Variants in RPAP2 observed in about 807,000 individuals in gnomAD.
RPAP2 encodes the protein putative RNA polymerase II subunit B1 CTD phosphatase RPAP2.
A neutral mutation model predicts 73.1 loss-of-function variants in RPAP2; 52 were observed. That is an observed-to-expected ratio of 0.71 (90% CI 0.57 to 0.90). The LOEUF is 0.90. Ranked by LOEUF, RPAP2 falls within the 40% of genes least tolerant of loss-of-function variation. The probability of loss-of-function intolerance (pLI) is 0.00; values close to 1 mark genes in which losing one functional copy is unlikely to be tolerated. For synonymous variants in RPAP2, 225 were observed against 242.1 expected (o/e 0.93, Z 0.65); for missense variants, 598 against 701.8 (o/e 0.85, Z 1.67).
intron 11 of RPAP2, among the ~76,000 whole-genome samples, chr1:92,361,092 A>AAT (rs1285286459): frequency 8.3e-6 from 1 of 120,088 alleles, no homozygotes; most frequent in Non-Finnish European, 1.7e-5. Flanking sequence ...ATATATATAT[A>AAT]ATATATATAT....
chr1:92,306,654 G>T (rs999557566), intron 5 of RPAP2, among the ~76,000 whole-genome samples: 9 of 152,044 alleles, frequency 5.9e-5, no homozygotes, highest in Admixed American at 4.6e-4. Context: ...GACCAGCCTG[G>T]GCAACAAATA....
chr1:92,331,111 A>G (rs1652936792), intron 8 of RPAP2, among the ~76,000 whole-genome samples: 1 of 152,174 alleles, frequency 6.6e-6, no homozygotes, highest in Admixed American at 6.5e-5. Context: ...ATTTCTGCAA[A>G]TTTTACTTTT....
At position 92,351,725 on chromosome 1, in the gene RPAP2, T is replaced by C. The variant is rs140830363; in HGVS notation, c.1688+5811T>C. On this transcript the variant is annotated intron_variant, in intron 11 of 12. Coordinates refer to ENST00000610020, the MANE Select transcript of RPAP2 (RefSeq NM_024813.3). Reference sequence around the variant, plus strand: ...AAAACTGGCAGCCAAAGAGAAGACATATAGAAGGCTATCGAGAAGCAGCTT... The same window carrying C: ...AAAACTGGCAGCCAAAGAGAAGACACATAGAAGGCTATCGAGAAGCAGCTT... Among the ~76,000 whole-genome samples, 70 of 152,262 alleles carry C rather than the reference T, an allele frequency of 4.6e-4. 1 individual carries two copies. The East Asian group carries it at 9.3e-3, about 20-fold the overall frequency.
intron 11 of RPAP2, among the ~76,000 whole-genome samples, chr1:92,373,736 AAAT>A (rs1359232984): frequency 0.01 from 1,162 of 112,558 alleles, 221 homozygotes; most frequent in African/African-American, 0.053. Flanking sequence ...TCTCTACTAA[AAAT>A]AAAAAAAAAA....
At chr1:92,377,505 A>T (rs1156804232) in intron 11 of RPAP2, among the ~76,000 whole-genome samples, 1 of 127,382 alleles carries the variant, frequency 7.9e-6, no homozygotes, top group Non-Finnish European at 1.6e-5. Flanking sequence ...TGACAGAGCG[A>T]AACTTTGTCT....
At chr1:92,304,601 T>C (rs144117501) in intron 5 of RPAP2, among the ~76,000 whole-genome samples, 160 of 152,322 alleles carry the variant, frequency 1.1e-3, no homozygotes, top group Middle Eastern at 0.01. Context: ...TTGGCACAAA[T>C]CTGGGCAAAT....
intron 6 of RPAP2, among the ~76,000 whole-genome samples, chr1:92,317,423 G>A (rs1043901174): frequency 3.9e-5 from 6 of 151,940 alleles, no homozygotes; most frequent in Non-Finnish European, 7.4e-5. Flanking sequence ...CAGGACAATC[G>A]CTTCAACCTG....
chr1:92,323,620 A>G lies in RPAP2; in HGVS notation c.700A>G (p.Asn234Asp), dbSNP rs781474137. The change falls in exon 8 of 13, where the codon AAT (asparagine) becomes GAT (aspartate). Residue 234 changes from asparagine to aspartate, a missense_variant. By Grantham distance (23) the Asn-to-Asp change is conservative. Coordinates refer to ENST00000610020, the MANE Select transcript of RPAP2 (RefSeq NM_024813.3). ...CTCCATTCTACCAGGAAACAGACCAAATTCAACAAATATTAGACCACAGCT... is the reference window on the plus strand; with the variant it reads ...CTCCATTCTACCAGGAAACAGACCAGATTCAACAAATATTAGACCACAGCT... The part of the protein sequence containing the change: ...VSSILPGNRP[N>D]STNIRPQLHQ... 1.9e-6 allele frequency: 3 copies of G among 1,614,102 alleles called. No individual in the cohort carries two copies. In the Admixed American group the frequency reaches 5.0e-5, roughly 27 times the overall value.
At chr1:92,372,763 G>A (rs1655206097) in intron 11 of RPAP2, among the ~76,000 whole-genome samples, 2 of 152,022 alleles carry the variant, frequency 1.3e-5, no homozygotes, top group Non-Finnish European at 2.9e-5. Flanking sequence ...TTTTAAAGTA[G>A]CCGGGTATGG....
chr1:92,365,390 G>GT (rs200073854), intron 11 of RPAP2, among the ~76,000 whole-genome samples: 2 of 114,194 alleles, frequency 1.8e-5, no homozygotes, highest in South Asian at 4.4e-4. Context: ...ACATGGGGAG[G>GT]TTTTAAAAAA....
At chr1:92,334,980 T>TC (rs1483603827) in intron 9 of RPAP2, among the ~76,000 whole-genome samples, 3 of 151,218 alleles carry the variant, frequency 2.0e-5, no homozygotes, top group Admixed American at 2.0e-4. Flanking sequence ...AGAGTGAGAC[T>TC]CCATCTCAAA....
At position 92,398,313 on chromosome 1, in the gene RPAP2, T is replaced by C. The variant is rs1656235407; in HGVS notation, c.*11302T>C. The C allele has an allele frequency of 1.3e-5, 2 of 152,202 alleles. No homozygotes were observed. The highest frequency in any genetic ancestry group is 2.9e-5 in the Non-Finnish European group (2 of 68,046). 9.4% of individuals were successfully genotyped at this position (152,202 alleles called of 1,614,324 possible). On this transcript the variant is annotated 3_prime_UTR_variant, in exon 13 of 13. Coordinates refer to ENST00000610020, the MANE Select transcript of RPAP2 (RefSeq NM_024813.3). ...AACCCATAAATATATACATCTACTATGTACCCACAAAAATTAAAAAATGTT... is the reference window on the plus strand; with the variant it reads ...AACCCATAAATATATACATCTACTACGTACCCACAAAAATTAAAAAATGTT...
At chr1:92,347,701 T>C (rs759337960) in intron 11 of RPAP2, among the ~76,000 whole-genome samples, 4 of 152,226 alleles carry the variant, frequency 2.6e-5, no homozygotes, top group African/African-American at 4.8e-5. Flanking sequence ...TAGTGTTTGA[T>C]TTTAATAGAG....
intron 6 of RPAP2, among the ~76,000 whole-genome samples, chr1:92,311,848 T>C (rs1021821595): frequency 2.0e-5 from 3 of 152,212 alleles, no homozygotes; most frequent in East Asian, 1.9e-4. Context: ...CATACCTTAA[T>C]TTTAAAATAT....
chr1:92,375,712 T>C (rs926793788), intron 11 of RPAP2, among the ~76,000 whole-genome samples: 5 of 152,092 alleles, frequency 3.3e-5, no homozygotes, highest in African/African-American at 1.2e-4. Flanking sequence ...ACGCCTATAA[T>C]TCCAGCTACT....
intron 6 of RPAP2, among the ~76,000 whole-genome samples, chr1:92,320,175 A>G (rs1652163903): frequency 6.6e-6 from 1 of 152,148 alleles, no homozygotes; most frequent in South Asian, 2.1e-4. Context: ...GGGCTGGTGG[A>G]ATTTGAACTT....
intron 11 of RPAP2, among the ~76,000 whole-genome samples, chr1:92,353,331 A>T (rs1466645434): frequency 1.3e-5 from 2 of 152,180 alleles, no homozygotes; most frequent in Non-Finnish European, 2.9e-5. Flanking sequence ...GGCTCCAAAG[A>T]TTGAACTTTA....
chr1:92,362,834 G>A (rs74101131), intron 11 of RPAP2, among the ~76,000 whole-genome samples: 3,595 of 152,160 alleles, frequency 0.024, 100 homozygotes, highest in African/African-American at 0.066. Flanking sequence ...AATGTTTCAT[G>A]AGAATAAAAA....
chr1:92,396,337 TTC>T lies in RPAP2; in HGVS notation c.*9328_*9329del, dbSNP rs903353030. ...GCAGGCACCAACATACCCAGATTATTTCTTTTTCTTTTTTTTTTTAACTGGTG... is the reference window on the plus strand; with the variant it reads ...GCAGGCACCAACATACCCAGATTATTTTTTTCTTTTTTTTTTTAACTGGTG... On this transcript the variant is annotated 3_prime_UTR_variant, in exon 13 of 13. Transcript: ENST00000610020. The T allele has an allele frequency of 1.4e-4, 22 of 151,962 alleles. No homozygotes were observed. The highest frequency in any genetic ancestry group is 4.8e-4 in the African/African-American group (20 of 41,382). The allele number at this position is 151,962 out of a possible 1,614,324, so 9.4% of individuals were successfully genotyped here.
Sources: allele counts gnomAD v4.1 joint callset (sites outside exome capture counted in the v4.1 genomes callset), GRCh38; gene constraint gnomAD v4.1.1; transcripts MANE v1.5; gene names NCBI Gene and HGNC (gene_info 2026-07-23, HGNC 2026-07-21).